DPM1: variants seen among roughly 807,000 people sequenced by gnomAD.
DPM1 encodes the protein dolichol-phosphate mannosyltransferase subunit 1.
A neutral mutation model predicts 39.0 loss-of-function variants in DPM1; 27 were observed. The ratio of observed to expected loss-of-function variants is 0.69; its 90% confidence interval spans 0.51 to 0.95. The LOEUF (loss-of-function observed/expected upper bound fraction) is 0.95, where lower values mean the gene tolerates loss of function less well. Ranked by LOEUF, DPM1 falls within the 40% of genes least tolerant of loss-of-function variation. The pLI, the probability that DPM1 is intolerant of heterozygous loss-of-function variation, is 0.00. For synonymous variants in DPM1, 124 were observed against 109.0 expected (o/e 1.14, Z -0.86); for missense variants, 307 against 315.6 (o/e 0.97, Z 0.21).
intron 7 of DPM1, among the ~76,000 whole-genome samples, chr20:50,939,036 TGCTC>T (rs1226942641): frequency 4.6e-5 from 7 of 152,272 alleles, no homozygotes; most frequent in African/African-American, 1.7e-4. Flanking sequence ...TCTGTTTGGC[TGCTC>T]TGTCATTTAT....
intron 1 of DPM1, among the ~76,000 whole-genome samples, chr20:50,956,458 G>T (rs185260789): frequency 6.6e-6 from 1 of 151,488 alleles, no homozygotes; most frequent in Non-Finnish European, 1.5e-5. Context: ...CCCGGGAGGC[G>T]GGGCCTGCAG....
chr20:50,937,815 A>G (rs6020858), intron 7 of DPM1, among the ~76,000 whole-genome samples: 2 of 151,762 alleles, frequency 1.3e-5, no homozygotes, highest in Non-Finnish European at 2.9e-5. Flanking sequence ...AATAACTTTT[A>G]AAGTTATTAT....
chr20:50,936,329 CAA>C, intron 7 of DPM1, 67 bp from the exon 8 acceptor site: 1 of 1,071,200 alleles, frequency 9.3e-7, no homozygotes. Flanking sequence ...CCTGACCTTT[CAA>C]AGAGTTCACT....
chr20:50,946,966 T>C (rs1208997930), intron 3 of DPM1, among the ~76,000 whole-genome samples: 1 of 152,164 alleles, frequency 6.6e-6, no homozygotes, highest in Non-Finnish European at 1.5e-5. Context: ...CCCAGCACTT[T>C]GGGAGGCCGA....
intron 7 of DPM1, among the ~76,000 whole-genome samples, chr20:50,939,921 G>A (rs943790884): frequency 3.3e-5 from 5 of 152,104 alleles, no homozygotes; most frequent in Non-Finnish European, 5.9e-5. Flanking sequence ...ACCAGCCAAC[G>A]CCCATCCGCA....
Position 50,948,616 on chromosome 20 carries a change from T to C in DPM1, c.295+13A>G, listed in dbSNP as rs1181025248. The C allele has an allele frequency of 1.9e-6, 3 of 1,613,392 alleles. No individual in the cohort carries two copies. Among genetic ancestry groups the C allele is most frequent in the East Asian group, 2.2e-5 (1 of 44,880 alleles). On this transcript the variant is annotated intron_variant, in intron 3 of 8. Coordinates refer to ENST00000371588, the MANE Select transcript of DPM1 (RefSeq NM_003859.3). ...AGCAGCAGGTGTGAGGGGTTAGAGA[T>C]TACACGACTTACCTAGTCCCAACTT... is the stretch of plus-strand genomic sequence containing the variant.
rs1311416348 is a variant in DPM1, at chr20:50,958,467, C to A, written c.57G>T (p.Val19=). ...AATATTTGTTCTGTCGTGGACTGCGCACTTCCAGCTCCCGCCGAGACCTGC... is the reference window on the plus strand; with the variant it reads ...AATATTTGTTCTGTCGTGGACTGCGAACTTCCAGCTCCCGCCGAGACCTGC... ...SPRRSRRELE[V]RSPRQNKYSV... The change falls in exon 1 of 9, where the codon GTG becomes GTT. Residue 19 remains valine, a synonymous_variant. Coordinates refer to ENST00000371588, the MANE Select transcript of DPM1 (RefSeq NM_003859.3). The A allele has an allele frequency of 2.5e-6, 4 of 1,613,718 alleles. No individual in the cohort carries two copies. The African/African-American group carries it at 5.3e-5, about 22-fold the overall frequency.
chr20:50,941,265 A>ATAG (rs1985749255), intron 6 of DPM1: 1 of 107,320 alleles, frequency 9.3e-6, no homozygotes, highest in Non-Finnish European at 1.8e-5. Flanking sequence ...TATATATATA[A>ATAG]ATAAAATACA....
chr20:50,957,760 G>A (rs1052807690), intron 1 of DPM1, among the ~76,000 whole-genome samples: 10 of 152,174 alleles, frequency 6.6e-5, no homozygotes, highest in African/African-American at 2.4e-4. Flanking sequence ...ACTGACTCCA[G>A]GATTTTTTGC....
At chr20:50,954,080 C>G (rs1182181127) in intron 2 of DPM1, among the ~76,000 whole-genome samples, 2 of 152,110 alleles carry the variant, frequency 1.3e-5, no homozygotes, top group Non-Finnish European at 2.9e-5. Flanking sequence ...CCTTTAAACT[C>G]TTGCCACCAA....
chr20:50,935,254 AAGTAACGTT>A lies in DPM1; in HGVS notation c.679-27_679-19del. On this transcript the variant is annotated intron_variant, in intron 8 of 8. Transcript: ENST00000371588. ...ATTGGAACCTAGTTTAAAAAAAAAA[AAGTAACGTT>A]AGTCTTTAAAAACAATTAGGCAGCT... is the stretch of plus-strand genomic sequence containing the variant. The A allele has an allele frequency of 6.6e-7, 1 of 1,513,738 alleles. No individual in the cohort carries two copies. Among genetic ancestry groups the A allele is most frequent in the Non-Finnish European group, 9.2e-7 (1 of 1,090,002 alleles). The allele number at this position is 1,513,738 out of a possible 1,614,324, so 93.8% of individuals were successfully genotyped here. A position where few individuals can be genotyped will look rare whatever the true frequency, so the allele number is the denominator to read the frequency against.
At position 50,945,918 on chromosome 20, in the gene DPM1, C is replaced by T. The variant is rs1396312951; in HGVS notation, c.301G>A (p.Ala101Thr). The T allele has an allele frequency of 6.2e-7, 1 of 1,612,374 alleles. No homozygotes were observed. The highest frequency in any genetic ancestry group is 8.5e-7 in the Non-Finnish European group (1 of 1,179,036). Residue 101 changes from alanine to threonine, a missense_variant, in exon 4 of 9, where the codon GCA becomes ACA. Transcript: ENST00000371588. ...PREKKLGLGT[A>T]YIHGMKHATG... ...GCATGTTTCATTCCATGAATATATGCAGTTCCTAAAAATGAAAGTAGATCC... is the reference window on the plus strand; with the variant it reads ...GCATGTTTCATTCCATGAATATATGTAGTTCCTAAAAATGAAAGTAGATCC...
chr20:50,942,128 T>C lies in DPM1; in HGVS notation c.399-2A>G. The C allele has an allele frequency of 6.2e-7, 1 of 1,612,904 alleles. No individual in the cohort carries two copies. The highest frequency in any genetic ancestry group is 8.5e-7 in the Non-Finnish European group (1 of 1,179,054). On this transcript the variant is annotated splice_acceptor_variant, in intron 5 of 8. Transcript: ENST00000371588. LOFTEE classifies it high-confidence loss of function. ...TCAAAATTACCCTCCTTTTGCTTCC[T>C]GTAGAATAAATTAGCTGTCAATTAG...
At chr20:50,948,307 G>A (rs989781532) in intron 3 of DPM1, among the ~76,000 whole-genome samples, 1 of 152,090 alleles carries the variant, frequency 6.6e-6, no homozygotes, top group African/African-American at 2.4e-5. Flanking sequence ...TCCATCCCTA[G>A]GGGTGGCAGT....
intron 7 of DPM1, among the ~76,000 whole-genome samples, chr20:50,936,923 A>G (rs1159449697): frequency 1.3e-5 from 2 of 152,184 alleles, no homozygotes; most frequent in Admixed American, 6.5e-5. Flanking sequence ...CTAACTTTAG[A>G]TGGACTGCAG....
intron 2 of DPM1, among the ~76,000 whole-genome samples, chr20:50,952,972 G>A (rs568501829): frequency 5.9e-4 from 90 of 152,096 alleles, no homozygotes; most frequent in Non-Finnish European, 1.1e-3. Context: ...TGCCCCCAAG[G>A]GTAACTACGT....
At chr20:50,948,451 A>G (rs1201639119) in intron 3 of DPM1, among the ~76,000 whole-genome samples, 178 bp downstream of exon 3, 6 of 152,170 alleles carry the variant, frequency 3.9e-5, no homozygotes, top group African/African-American at 1.4e-4. Context: ...TGTTTTCCTG[A>G]GTGGGTCTTG....
At chr20:50,945,675 C>T (rs1412064973) in intron 5 of DPM1, 62 bp downstream of exon 5, 1 of 1,405,994 alleles carries the variant, frequency 7.1e-7, no homozygotes, top group Non-Finnish European at 1.0e-6. Flanking sequence ...AAAATAAGCC[C>T]AAAACCAGTA....
chr20:50,943,545 G>A (rs1474552178), intron 5 of DPM1, among the ~76,000 whole-genome samples: 2 of 151,812 alleles, frequency 1.3e-5, no homozygotes, highest in African/African-American at 4.8e-5. Context: ...ATTTCTAGTA[G>A]GGACGGGGTT....
Sources: gnomAD v4.1 joint callset for allele counts (sites outside exome capture counted in the v4.1 genomes callset) on GRCh38, gnomAD v4.1.1 for gene constraint, MANE v1.5 for transcripts, NCBI Gene and HGNC (gene_info 2026-07-23, HGNC 2026-07-21) for gene names.